The following RYR2 variants were observed in gnomAD, a reference collection of about 807,000 sequenced individuals.
RYR2 encodes ryanodine receptor 2, also known as cardiac muscle ryanodine receptor-calcium release channel.
Under a neutral mutation model 601.1 loss-of-function variants are expected in RYR2, and 227 were observed. The ratio of observed to expected loss-of-function variants is 0.38; its 90% CI spans 0.34 to 0.42. RYR2 has a LOEUF of 0.42. Ranked by LOEUF, RYR2 falls within the 10% of genes least tolerant of loss-of-function variation. The pLI is 1.00. For missense variants in RYR2, 4,646 were observed against 6,156.5 expected (o/e 0.75, Z 8.21); for synonymous variants, 2,223 against 2,175.1 (o/e 1.02, Z -0.61).
At chr1:237,545,713 T>C (rs975330643) in intron 25 of RYR2, among the ~76,000 whole-genome samples, 12 of 151,756 alleles carry the variant, frequency 7.9e-5, no homozygotes, top group African/African-American at 2.4e-5. Flanking sequence ...GATTACCTGT[T>C]GGTGCATTTG....
intron 30 of RYR2, 114 bp from the exon 31 acceptor site, chr1:237,590,526 C>A: frequency 2.7e-6 from 2 of 727,518 alleles, no homozygotes; most frequent in Non-Finnish European, 4.4e-6. Context: ...CAAAATGATG[C>A]CATGTGTGGA....
At position 237,705,324 on chromosome 1, in the gene RYR2, G is replaced by C. The variant is rs1060500168; in HGVS notation, c.9561G>C (p.Lys3187Asn). ...ATATTTACTCCATCTACAATACCAA[G>C]TCTTCACGAGAAAGAGCAGGTAACA... ...KHNIYSIYNTKSSRERAALSL... is the reference protein window; with the variant it reads ...KHNIYSIYNTNSSRERAALSL... The change falls in exon 67 of 105, where the codon AAG (lysine) becomes AAC (asparagine). Residue 3187 changes from lysine to asparagine, a missense_variant. This residue lies in a region of RYR2 where 1,497 missense variants were observed against 1,842.6 expected (regional missense o/e 0.81). Transcript: ENST00000366574. 5 of 1,605,034 alleles carry C rather than the reference G, an allele frequency of 3.1e-6. No individual in the cohort carries two copies. Among genetic ancestry groups the C allele is most frequent in the Middle Eastern group, 1.6e-4 (1 of 6,076 alleles).
chr1:237,270,216 G>A (rs916177005), intron 1 of RYR2: 11 of 540,466 alleles, frequency 2.0e-5, no homozygotes, highest in Non-Finnish European at 6.9e-6. Context: ...TATTTGTTCA[G>A]GTTGCCTCTG....
chr1:237,374,219 A>G (rs1700851602), intron 6 of RYR2, among the ~76,000 whole-genome samples: 1 of 152,010 alleles, frequency 6.6e-6, no homozygotes, highest in African/African-American at 2.4e-5. Flanking sequence ...CTCTGCTGGT[A>G]CAACTATAAA....
At chr1:237,701,570 T>C (rs1687973230) in intron 65 of RYR2, among the ~76,000 whole-genome samples, 1 of 152,080 alleles carries the variant, frequency 6.6e-6, no homozygotes, top group Admixed American at 6.6e-5. Context: ...GTTATTTTTA[T>C]TTGTATAAAT....
At chr1:237,774,574 C>T (rs2249287) in intron 87 of RYR2, among the ~76,000 whole-genome samples, 31,038 of 152,016 alleles carry the variant, frequency 0.2, 3,329 homozygotes, top group African/African-American at 0.27. Context: ...AACCTTATTT[C>T]AGCATTTCCA....
intron 56 of RYR2, among the ~76,000 whole-genome samples, chr1:237,661,295 A>G (rs925351110): frequency 1.3e-5 from 2 of 152,050 alleles, no homozygotes; most frequent in Non-Finnish European, 2.9e-5. Flanking sequence ...AAGCTGAACA[A>G]TGAAAACACA....
intron 1 of RYR2, among the ~76,000 whole-genome samples, chr1:237,081,447 C>G (rs1233940625): frequency 2.6e-5 from 4 of 151,714 alleles, no homozygotes; most frequent in South Asian, 2.1e-4. Flanking sequence ...AAGGGACAAC[C>G]AAGATCCACA....
intron 62 of RYR2, among the ~76,000 whole-genome samples, chr1:237,682,991 A>G (rs1686024463): frequency 1.3e-5 from 2 of 152,216 alleles, no homozygotes; most frequent in Non-Finnish European, 2.9e-5. Context: ...TGCAGTCATT[A>G]ACATTATGAT....
Position 237,742,042 on chromosome 1 carries a change from G to A in RYR2, c.11092-254G>A, listed in dbSNP as rs2797447. On this transcript the variant is annotated intron_variant, in intron 79 of 104. Transcript: ENST00000366574. ...GAATAAGTAGCGGGTATAGTATGAT[G>A]TGGACCTCATAGTTATCTCTGTTAC... is the stretch of plus-strand genomic sequence containing the variant. 0.96 allele frequency among the ~76,000 whole-genome samples: 145,790 copies of A among 152,294 alleles called. 70,111 individuals carry two copies. The highest frequency in any genetic ancestry group is 1 in the East Asian group (5,186 of 5,186).
In RYR2 at chr1:237,427,863, T is replaced by C. The variant is rs866274423; in HGVS notation, c.1005+4615T>C. Among the ~76,000 whole-genome samples, 8 of 149,696 alleles carry C rather than the reference T, an allele frequency of 5.3e-5. No individual in the cohort carries two copies. In the South Asian group the frequency reaches 1.3e-3, roughly 24 times the overall value. On this transcript the variant is annotated intron_variant, in intron 12 of 104. Coordinates refer to ENST00000366574, the MANE Select transcript of RYR2 (RefSeq NM_001035.3). The stretch of plus-strand genomic sequence containing the variant: ...GGTGGAATTCAGGCAAACTAAAGCA[T>C]TGCAGGAGACAAAAAAGGATATTGC...
intron 12 of RYR2, among the ~76,000 whole-genome samples, chr1:237,434,387 A>T (rs1324285066): frequency 6.6e-6 from 1 of 152,232 alleles, no homozygotes; most frequent in African/African-American, 2.4e-5. Flanking sequence ...TAAAATAGGA[A>T]ATCATTTATA....
chr1:237,086,568 T>A (rs924814972), intron 1 of RYR2, among the ~76,000 whole-genome samples: 4 of 152,118 alleles, frequency 2.6e-5, no homozygotes, highest in Admixed American at 2.0e-4. Flanking sequence ...TACTATGGTG[T>A]TATGATGGGG....
chr1:237,227,343 A>C (rs1340908620), intron 1 of RYR2, among the ~76,000 whole-genome samples: 1 of 152,184 alleles, frequency 6.6e-6, no homozygotes, highest in Non-Finnish European at 1.5e-5. Flanking sequence ...CATGTTGCAC[A>C]GTTTTTATTT....
chr1:237,046,510 A>C (rs1660625381), intron 1 of RYR2, among the ~76,000 whole-genome samples: 1 of 152,202 alleles, frequency 6.6e-6, no homozygotes, highest in Admixed American at 6.5e-5. Flanking sequence ...TTAGATAGAT[A>C]TGCACTATGG....
intron 2 of RYR2, among the ~76,000 whole-genome samples, chr1:237,272,316 T>G (rs984907861): frequency 6.9e-6 from 1 of 144,698 alleles, no homozygotes; most frequent in African/African-American, 2.5e-5. Flanking sequence ...TAGAGAAGGA[T>G]CGAACCAAAA....
chr1:237,101,360 C>T (rs1324305123), intron 1 of RYR2, among the ~76,000 whole-genome samples: 1 of 146,070 alleles, frequency 6.8e-6, no homozygotes, highest in African/African-American at 2.5e-5. Context: ...TGTGCAGGCA[C>T]AATATGTAGT....
At chr1:237,498,680 C>T (rs1664326213) in intron 20 of RYR2, among the ~76,000 whole-genome samples, 1 of 150,968 alleles carries the variant, frequency 6.6e-6, no homozygotes, top group South Asian at 2.1e-4. Context: ...GAAGCTTTTT[C>T]TTTCGATACA....
At chr1:237,120,289 C>T (rs556240009) in intron 1 of RYR2, among the ~76,000 whole-genome samples, 22 of 152,264 alleles carry the variant, frequency 1.4e-4, no homozygotes, top group African/African-American at 5.3e-4. Flanking sequence ...TTAAGCATCC[C>T]ATCAAATTGT....
Sources: allele counts gnomAD v4.1 joint callset (sites outside exome capture counted in the v4.1 genomes callset), GRCh38; gene constraint gnomAD v4.1.1; regional missense constraint gnomAD v4.1.1; transcripts MANE v1.5; gene names NCBI Gene and HGNC (gene_info 2026-07-23, HGNC 2026-07-21).